The following MYCT1 variants were observed in gnomAD, a reference collection of about 807,000 sequenced individuals.
MYCT1 encodes MYC target 1.
A neutral mutation model predicts 15.0 loss-of-function variants in MYCT1; 12 were observed. The ratio of observed to expected loss-of-function variants is 0.80; its 90% CI spans 0.51 to 1.29. The LOEUF is 1.29. Ranked by LOEUF, MYCT1 falls within the 50% of genes most tolerant of loss-of-function variation. The pLI is 0.00. For missense variants in MYCT1, 287 were observed against 279.1 expected (o/e 1.03, Z -0.20); for synonymous variants, 104 against 102.7 (o/e 1.01, Z -0.07).
At chr6:152,700,018 A>C (rs1393871194) in intron 1 of MYCT1, among the ~76,000 whole-genome samples, 1 of 152,156 alleles carries the variant, frequency 6.6e-6, no homozygotes, top group Non-Finnish European at 1.5e-5. Context: ...AAGCCAATGG[A>C]AACATGGAGA....
At chr6:152,733,942 T>C in the MYCT1 span, among the ~76,000 whole-genome samples, 1 of 151,968 alleles carries the variant, frequency 6.6e-6, no homozygotes, top group Admixed American at 6.6e-5. Context: ...GAAGACCTTA[T>C]CCCATCACTC....
Position 152,722,378 on chromosome 6 carries a change from G to T in MYCT1, c.*125G>T. 1.1e-6 allele frequency: 1 copy of T among 944,576 alleles called. No individual in the cohort carries two copies. The highest frequency in any genetic ancestry group is 1.8e-5 in the South Asian group (1 of 56,186). The allele number at this position is 944,576 out of a possible 1,614,324, so 58.5% of individuals were successfully genotyped here. A position where few individuals can be genotyped will look rare whatever the true frequency, so the allele number is the denominator to read the frequency against. ...ACTCATGAGTTCCAAGTTGAAACAT[G>T]GTTGTGCAAGTTGGACATTACAATG... On this transcript the variant is annotated 3_prime_UTR_variant, in exon 2 of 2. Coordinates refer to ENST00000367245, the MANE Select transcript of MYCT1 (RefSeq NM_025107.3).
chr6:152,715,179 A>C (rs2099723427), intron 1 of MYCT1, among the ~76,000 whole-genome samples: 1 of 152,156 alleles, frequency 6.6e-6, no homozygotes, highest in Non-Finnish European at 1.5e-5. Flanking sequence ...TTGATTTAAT[A>C]GTTTTGATAA....
intron 1 of MYCT1, among the ~76,000 whole-genome samples, chr6:152,704,491 A>G (rs1300888260): frequency 6.6e-6 from 1 of 152,218 alleles, no homozygotes; most frequent in African/African-American, 2.4e-5. Context: ...ATAATTGTAC[A>G]TACTTATGGG....
In MYCT1 at chr6:152,724,251, T is replaced by A. The variant is rs572971415; in HGVS notation, c.*1998T>A. ...AGGGCTACTTTTTTTTTTTTTTTTT[T>A]ACTTGCATGTCATCCTTAATGTCTA... On this transcript the variant is annotated 3_prime_UTR_variant, in exon 2 of 2. Transcript: ENST00000367245. 2.0e-5 allele frequency: 3 copies of A among 150,754 alleles called. No individual in the cohort carries two copies. The highest frequency in any genetic ancestry group is 2.1e-4 in the South Asian group (1 of 4,792). The allele number at this position is 150,754 out of a possible 1,614,324, so 9.3% of individuals were successfully genotyped here. A position where few individuals can be genotyped will look rare whatever the true frequency, so the allele number is the denominator to read the frequency against.
downstream of MYCT1, among the ~76,000 whole-genome samples, chr6:152,725,904 T>G (rs1375397424): frequency 6.6e-6 from 1 of 151,998 alleles, no homozygotes; most frequent in Non-Finnish European, 1.5e-5. Context: ...CTTCCCTGCT[T>G]TGTGTGAGAG....
intron 1 of MYCT1, among the ~76,000 whole-genome samples, chr6:152,717,489 C>G (rs1178702515): frequency 2.0e-5 from 3 of 152,088 alleles, no homozygotes; most frequent in Non-Finnish European, 4.4e-5. Context: ...GTAATTGAAT[C>G]ATGGGGGCAG....
At chr6:152,733,644 C>T in the MYCT1 span, among the ~76,000 whole-genome samples, 1 of 152,262 alleles carries the variant, frequency 6.6e-6, no homozygotes, top group African/African-American at 2.4e-5. Context: ...AGGCATGGAG[C>T]TTTTTAAAGA....
Position 152,717,185 on chromosome 6 carries a change from G to A in MYCT1, c.197-4557G>A, listed in dbSNP as rs1026295190. Reference sequence around the variant, plus strand: ...AACTATAATTAAATGAAAAAAAAATGTGTATGAAAACCACCCCTGTTATTT... The same window carrying A: ...AACTATAATTAAATGAAAAAAAAATATGTATGAAAACCACCCCTGTTATTT... On this transcript the variant is annotated intron_variant, in intron 1 of 1. Coordinates refer to ENST00000367245, the MANE Select transcript of MYCT1 (RefSeq NM_025107.3). Among the ~76,000 whole-genome samples the A allele has an allele frequency of 6.6e-5, 10 of 152,086 alleles. No individual in the cohort carries two copies. In the South Asian group the frequency reaches 1.2e-3, roughly 19 times the overall value.
At chr6:152,706,847 ATGTGTGTG>A (rs4034690) in intron 1 of MYCT1, among the ~76,000 whole-genome samples, 4 of 148,308 alleles carry the variant, frequency 2.7e-5, no homozygotes, top group Admixed American at 6.7e-5. Context: ...GAAACCATAT[ATGTGTGTG>A]TGTGTGTGTG....
downstream of MYCT1, among the ~76,000 whole-genome samples, chr6:152,724,727 C>T (rs1308736855): frequency 5.3e-5 from 8 of 152,050 alleles, no homozygotes; most frequent in Admixed American, 5.2e-4. Flanking sequence ...TAAGAAAAGT[C>T]TCCTTTTTAC....
the MYCT1 span, among the ~76,000 whole-genome samples, chr6:152,731,809 G>A: frequency 2.7e-5 from 4 of 150,182 alleles, no homozygotes; most frequent in East Asian, 2.0e-4. Flanking sequence ...GTGCAGTGGC[G>A]CGATATCAGC....
the MYCT1 span, among the ~76,000 whole-genome samples, chr6:152,741,810 A>G: frequency 4.6e-5 from 7 of 152,212 alleles, no homozygotes; most frequent in East Asian, 1.9e-4. Flanking sequence ...AACGACTATC[A>G]TCGAATGAAA....
rs1465257731 is a variant in MYCT1 at position 152,708,980 on chromosome 6, G to C, written c.196+10882G>C. ...CCCACTAATGTGTCATCTAGCATTA[G>C]GTATATCTCCCAATGCTATCCCTCC... is the stretch of plus-strand genomic sequence containing the variant. On this transcript the variant is annotated intron_variant, in intron 1 of 1. Coordinates refer to ENST00000367245, the MANE Select transcript of MYCT1 (RefSeq NM_025107.3). Among the ~76,000 whole-genome samples, 3 of 31,104 alleles carry C rather than the reference G, an allele frequency of 9.6e-5. 1 individual carries two copies. Among genetic ancestry groups the C allele is most frequent in the Non-Finnish European group, 2.3e-4 (3 of 13,122 alleles). The allele number at this position is 31,104 out of a possible 152,430, so 20.4% of individuals were successfully genotyped here.
At chr6:152,713,036 A>T (rs1379599243) in intron 1 of MYCT1, among the ~76,000 whole-genome samples, 1 of 152,018 alleles carries the variant, frequency 6.6e-6, no homozygotes, top group Non-Finnish European at 1.5e-5. Flanking sequence ...TTATAATTGC[A>T]CATTTGTTAA....
At chr6:152,731,885 C>G in the MYCT1 span, among the ~76,000 whole-genome samples, 1 of 151,828 alleles carries the variant, frequency 6.6e-6, no homozygotes, top group African/African-American at 2.4e-5. Flanking sequence ...ATAGCTGGGA[C>G]TATAGGGCAC....
At chr6:152,702,075 A>G (rs1174307290) in intron 1 of MYCT1, among the ~76,000 whole-genome samples, 1 of 152,034 alleles carries the variant, frequency 6.6e-6, no homozygotes, top group Non-Finnish European at 1.5e-5. Flanking sequence ...GGGATTCCCT[A>G]ATCAATCTGT....
intron 1 of MYCT1, among the ~76,000 whole-genome samples, chr6:152,718,808 A>T (rs2099724193): frequency 6.6e-6 from 1 of 152,058 alleles, no homozygotes; most frequent in African/African-American, 2.4e-5. Context: ...CATTTTGCTG[A>T]AATCAAGGAA....
chr6:152,719,565 C>T (rs2099724320), intron 1 of MYCT1, among the ~76,000 whole-genome samples: 3 of 152,248 alleles, frequency 2.0e-5, no homozygotes, highest in Admixed American at 2.0e-4. Context: ...TGCCTGGGAA[C>T]TTTGCATAAA....
Sources: allele counts gnomAD v4.1 joint callset (sites outside exome capture counted in the v4.1 genomes callset), GRCh38; gene constraint gnomAD v4.1.1; transcripts MANE v1.5; gene names NCBI Gene and HGNC (gene_info 2026-07-23, HGNC 2026-07-21).